DMD: variants seen among roughly 807,000 people sequenced by gnomAD.
The protein encoded by DMD is dystrophin, also known as mutant dystrophin.
A neutral mutation model predicts 330.1 loss-of-function variants in DMD; 63 were observed. The observed-to-expected ratio is 0.19, with a 90% CI of 0.16 to 0.24. The LOEUF (loss-of-function observed/expected upper bound fraction) is 0.24, where lower values mean the gene tolerates loss of function less well. Ranked by LOEUF, DMD falls within the 10% of genes least tolerant of loss-of-function variation. The pLI is 1.00. For missense variants in DMD, 3,344 were observed against 2,684.1 expected (o/e 1.25, Z -5.43); for synonymous variants, 1,223 against 959.8 (o/e 1.27, Z -5.07).
At chrX:32,640,233 TA>T (rs2059364129) in intron 11 of DMD, among the ~76,000 whole-genome samples, 1 of 108,871 alleles carries the variant, frequency 9.2e-6, no homozygotes, top group Non-Finnish European at 1.9e-5. Flanking sequence ...TCACATTTTA[TA>T]ATAATTTTGC....
At chrX:31,588,969 C>T (rs1419981842) in intron 55 of DMD, among the ~76,000 whole-genome samples, 1 of 105,308 alleles carries the variant, frequency 9.5e-6, no homozygotes, top group Non-Finnish European at 1.9e-5. Flanking sequence ...AACTGGGCTT[C>T]AATAACTTAA....
intron 19 of DMD, 125 bp downstream of exon 19, chrX:32,501,630 C>G: frequency 1.8e-6 from 1 of 542,224 alleles, no homozygotes. Flanking sequence ...AAAAAACATA[C>G]AAACACCTTT....
chrX:32,314,239 A>G (rs2097574882), intron 41 of DMD, among the ~76,000 whole-genome samples: 1 of 111,564 alleles, frequency 9.0e-6, no homozygotes, highest in Non-Finnish European at 1.9e-5. Flanking sequence ...CAGAAATATC[A>G]CCACACATCT....
At chrX:32,318,203 TAAAC>T (rs1251094737) in intron 41 of DMD, among the ~76,000 whole-genome samples, 17 of 111,275 alleles carry the variant, frequency 1.5e-4, no homozygotes, top group South Asian at 1.1e-3. Context: ...ATTACAGTAA[TAAAC>T]AAAGTTGAGA....
chrX:31,602,875 T>C (rs752490678), intron 55 of DMD, among the ~76,000 whole-genome samples: 2 of 111,959 alleles, frequency 1.8e-5, no homozygotes, highest in African/African-American at 6.5e-5. Context: ...CAATAGAAGA[T>C]TGAATTATTG....
intron 50 of DMD, among the ~76,000 whole-genome samples, chrX:31,804,904 G>A (rs2092238074): frequency 9.3e-6 from 1 of 107,041 alleles, no homozygotes; most frequent in Non-Finnish European, 1.9e-5. Context: ...CAGACTGGGT[G>A]AGGTGATTCT....
intron 1 of DMD, among the ~76,000 whole-genome samples, chrX:33,312,070 G>A (rs1329755691): frequency 9.1e-6 from 1 of 109,761 alleles, no homozygotes; most frequent in African/African-American, 3.3e-5. Context: ...AAGAAACACA[G>A]AATGGTGTCA....
rs2149253975 is a variant in DMD, at chrX:31,478,322, C to T, written c.8721G>A (p.Gln2907=). 8.3e-7 allele frequency: 1 copy of T among 1,211,780 alleles called. No individual in the cohort carries two copies. Among genetic ancestry groups the T allele is most frequent in the Non-Finnish European group, 1.1e-6 (1 of 895,553 alleles). Reference sequence around the variant, plus strand: ...CCCACTCAGTATTGACCTCCTCAGCCTGCTTTCGTAGAAGCCGAGTGACAT... The same window carrying T: ...CCCACTCAGTATTGACCTCCTCAGCTTGCTTTCGTAGAAGCCGAGTGACAT... ...AQNVTRLLRK[Q]AEEVNTEWEK... is the part of the protein sequence containing the mutation. The change falls in exon 59 of 79, where the codon CAG becomes CAA. Residue 2907 remains glutamine (Q), a synonymous_variant. Transcript: ENST00000357033.
In DMD at chrX:32,134,950, A is replaced by G. The variant is rs143997485; in HGVS notation, c.6438+81966T>C. Among the ~76,000 whole-genome samples the G allele has an allele frequency of 1.3e-3, 146 of 112,158 alleles. No homozygotes were observed. The East Asian group carries it at 0.035, about 27-fold the overall frequency. The stretch of plus-strand genomic sequence containing the variant: ...CTTTATTGGATTATCTATGAAATAT[A>G]TTATTGTAGTAGGGGTCTATTTTTA... On this transcript the variant is annotated intron_variant, in intron 44 of 78. Transcript: ENST00000357033.
chrX:32,589,722 TAAAAC>T (rs2054684793), intron 13 of DMD, among the ~76,000 whole-genome samples: 1 of 111,421 alleles, frequency 9.0e-6, no homozygotes, highest in African/African-American at 3.3e-5. Context: ...TTTTCTGACT[TAAAAC>T]AATAGGATGT....
At chrX:32,094,159 T>C (rs2096491962) in intron 44 of DMD, among the ~76,000 whole-genome samples, 1 of 112,143 alleles carries the variant, frequency 8.9e-6, no homozygotes, top group Non-Finnish European at 1.9e-5. Context: ...ACCTTCAACG[T>C]TTGTTAACAC....
intron 1 of DMD, among the ~76,000 whole-genome samples, chrX:33,071,631 T>C (rs2094758930): frequency 9.0e-6 from 1 of 110,976 alleles, no homozygotes; most frequent in African/African-American, 3.3e-5. Context: ...TATATTCATT[T>C]GAAGCCCAAT....
intron 1 of DMD, among the ~76,000 whole-genome samples, chrX:33,289,137 G>T (rs1367381007): frequency 9.0e-6 from 1 of 111,236 alleles, no homozygotes; most frequent in African/African-American, 3.3e-5. Context: ...TTAAGAAATT[G>T]CTGCAGGAAA....
chrX:32,307,455 C>T (rs1168046010), intron 42 of DMD, among the ~76,000 whole-genome samples: 1 of 111,645 alleles, frequency 9.0e-6, no homozygotes, highest in African/African-American at 3.3e-5. Context: ...CTAGAGAGAG[C>T]CCTAAGGCAA....
At chrX:33,155,090 A>G (rs767105203) in intron 1 of DMD, among the ~76,000 whole-genome samples, 3 of 111,736 alleles carry the variant, frequency 2.7e-5, no homozygotes, top group Non-Finnish European at 5.6e-5. Flanking sequence ...GGATTCACAC[A>G]GCTCTACCCT....
chrX:31,467,593 T>C (rs7049380), intron 59 of DMD, among the ~76,000 whole-genome samples: 21,338 of 111,158 alleles, frequency 0.19, 2,342 homozygotes, highest in African/African-American at 0.41. Flanking sequence ...ATTTTCGCAT[T>C]GATGTTCATC....
intron 51 of DMD, among the ~76,000 whole-genome samples, chrX:31,737,887 AT>A (rs1448892237): frequency 8.9e-6 from 1 of 111,751 alleles, no homozygotes; most frequent in Non-Finnish European, 1.9e-5. Flanking sequence ...GAACAAAGGC[AT>A]GAACGTAAAA....
At chrX:31,346,333 CTAGT>C (rs2058074390) in intron 61 of DMD, among the ~76,000 whole-genome samples, 2 of 110,746 alleles carry the variant, frequency 1.8e-5, no homozygotes, top group Middle Eastern at 4.2e-3. Flanking sequence ...AAGGATTAAA[CTAGT>C]TAAAATCTGT....
At chrX:31,630,991 A>G (rs2079106449) in intron 54 of DMD, among the ~76,000 whole-genome samples, 1 of 111,713 alleles carries the variant, frequency 9.0e-6, no homozygotes, top group Admixed American at 9.6e-5. Context: ...TCTATTCATA[A>G]GAGCACTGTG....
Sources: gnomAD v4.1 joint callset for allele counts (sites outside exome capture counted in the v4.1 genomes callset) on GRCh38, gnomAD v4.1.1 for gene constraint, MANE v1.5 for transcripts, NCBI Gene and HGNC (gene_info 2026-07-23, HGNC 2026-07-21) for gene names.